Variants in YWHAQ observed in about 807,000 individuals in gnomAD.
YWHAQ encodes tyrosine 3-monooxygenase/tryptophan 5-monooxygenase activation protein theta.
YWHAQ carries 6 observed loss-of-function variants against 28.3 expected under a neutral mutation model. The ratio of observed to expected loss-of-function variants is 0.21; its 90% CI spans 0.12 to 0.42. YWHAQ has a LOEUF of 0.42. Ranked by LOEUF, YWHAQ falls within the 10% of genes least tolerant of loss-of-function variation. YWHAQ has a pLI of 1.00. For synonymous variants in YWHAQ, 143 were observed against 119.1 expected (o/e 1.20, Z -1.31); for missense variants, 201 against 305.6 (o/e 0.66, Z 2.55).
intron 2 of YWHAQ, among the ~76,000 whole-genome samples, chr2:9,613,158 T>A (rs533247876): frequency 1.2e-4 from 18 of 152,254 alleles, no homozygotes; most frequent in Admixed American, 5.2e-4. Flanking sequence ...ATATTTTTTT[T>A]AAAAAGTGTT....
Position 9,624,554 on chromosome 2 carries a change from C to T in YWHAQ, c.294+5605G>A, listed in dbSNP as rs114768110. Among the ~76,000 whole-genome samples, 551 of 152,130 alleles carry T rather than the reference C, an allele frequency of 3.6e-3. 2 individuals are homozygous for T. The highest frequency in any genetic ancestry group is 5.0e-3 in the Non-Finnish European group (341 of 67,998). ...GGCTGGGGTCTTCGTTGGGGAGTGT[C>T]CTGTGCACCGCATGATGTTTAGTAG... On this transcript the variant is annotated intron_variant, in intron 2 of 5. Coordinates refer to ENST00000238081, the MANE Select transcript of YWHAQ (RefSeq NM_006826.4).
intron 2 of YWHAQ, among the ~76,000 whole-genome samples, chr2:9,627,059 TAG>T (rs1667260635): frequency 1.3e-5 from 2 of 152,240 alleles, no homozygotes; most frequent in Admixed American, 6.5e-5. Context: ...CCCCTCATCT[TAG>T]AGAGTTTGGT....
intron 2 of YWHAQ, among the ~76,000 whole-genome samples, chr2:9,624,904 G>A (rs975706804): frequency 2.6e-5 from 4 of 151,770 alleles, no homozygotes; most frequent in African/African-American, 9.7e-5. Context: ...CACTACGCCA[G>A]GCTAATTTTT....
chr2:9,585,400 A>T (rs1666322059), intron 5 of YWHAQ, 55 bp from the exon 6 acceptor site: 1 of 1,578,726 alleles, frequency 6.3e-7, no homozygotes, highest in African/African-American at 1.3e-5. Flanking sequence ...CAATTACACT[A>T]AGTAGTATTG....
intron 2 of YWHAQ, among the ~76,000 whole-genome samples, chr2:9,629,173 C>G (rs935464277): frequency 3.9e-5 from 6 of 151,944 alleles, no homozygotes; most frequent in Admixed American, 1.3e-4. Flanking sequence ...ATGATGTGCA[C>G]AAACACATCA....
At chr2:9,626,194 AATT>A (rs1247635764) in intron 2 of YWHAQ, among the ~76,000 whole-genome samples, 3 of 152,324 alleles carry the variant, frequency 2.0e-5, no homozygotes, top group Non-Finnish European at 2.9e-5. Context: ...AATTTACTGA[AATT>A]CTACTAGAAC....
chr2:9,629,654 G>A (rs1447674986), intron 2 of YWHAQ, among the ~76,000 whole-genome samples: 1 of 152,152 alleles, frequency 6.6e-6, no homozygotes, highest in African/African-American at 2.4e-5. Flanking sequence ...GGGGGGTGGG[G>A]GGGAGCACAA....
chr2:9,597,095 GTCTGTC>G (rs1558543181), intron 2 of YWHAQ, among the ~76,000 whole-genome samples: 1 of 152,156 alleles, frequency 6.6e-6, no homozygotes, highest in Non-Finnish European at 1.5e-5. Context: ...CTTCTCAAGT[GTCTGTC>G]TCTGTAACTA....
chr2:9,587,350 A>G, intron 5 of YWHAQ, 64 bp downstream of exon 5: 1 of 1,467,928 alleles, frequency 6.8e-7, no homozygotes, highest in East Asian at 2.4e-5. Flanking sequence ...CACGAAGTCC[A>G]AAATAAAATA....
chr2:9,615,366 A>G (rs548571791), intron 2 of YWHAQ: 5 of 151,976 alleles, frequency 3.3e-5, no homozygotes, highest in Non-Finnish European at 7.4e-5. Context: ...GCACTTGACT[A>G]GTCTTAAAAA....
chr2:9,608,136 T>G (rs1054887290), intron 2 of YWHAQ, among the ~76,000 whole-genome samples: 1 of 152,180 alleles, frequency 6.6e-6, no homozygotes, highest in African/African-American at 2.4e-5. Context: ...GAAACATGAC[T>G]TTCTGGTTCC....
chr2:9,603,839 CTCTT>C (rs887800315), intron 2 of YWHAQ, among the ~76,000 whole-genome samples: 3 of 151,992 alleles, frequency 2.0e-5, no homozygotes, highest in African/African-American at 4.8e-5. Context: ...GCAAGGGAAT[CTCTT>C]TAACCCAGGA....
At chr2:9,596,309 G>A (rs1666569267) in intron 2 of YWHAQ, among the ~76,000 whole-genome samples, 2 of 149,074 alleles carry the variant, frequency 1.3e-5, no homozygotes, top group South Asian at 2.1e-4. Flanking sequence ...CAATCCTACC[G>A]TCACTTCAAC....
At chr2:9,595,931 A>T (rs1666561125) in intron 2 of YWHAQ, among the ~76,000 whole-genome samples, 2 of 152,236 alleles carry the variant, frequency 1.3e-5, no homozygotes, top group Admixed American at 1.3e-4. Context: ...CTTTTTGAGA[A>T]TTTGAAAACT....
chr2:9,626,001 T>C (rs1667241415), intron 2 of YWHAQ, among the ~76,000 whole-genome samples: 1 of 114,234 alleles, frequency 8.8e-6, no homozygotes, highest in African/African-American at 6.2e-5. Flanking sequence ...GCGTAAGACA[T>C]TTTTTATTGA....
intron 2 of YWHAQ, among the ~76,000 whole-genome samples, chr2:9,617,281 T>C (rs1446652150): frequency 1.3e-5 from 2 of 152,080 alleles, no homozygotes; most frequent in African/African-American, 4.8e-5. Context: ...AGTATTTCTA[T>C]ACAGTGTAAT....
At chr2:9,604,669 G>A (rs944241767) in intron 2 of YWHAQ, among the ~76,000 whole-genome samples, 75 of 152,254 alleles carry the variant, frequency 4.9e-4, no homozygotes, top group African/African-American at 3.9e-4. Context: ...AAGGAGGGCC[G>A]GCTTTTTGAA....
intron 2 of YWHAQ, among the ~76,000 whole-genome samples, chr2:9,619,078 G>T (rs1483031294): frequency 6.6e-6 from 1 of 152,032 alleles, no homozygotes; most frequent in African/African-American, 2.4e-5. Flanking sequence ...AACAGACGTG[G>T]GGGCTAAATA....
At chr2:9,596,867 A>G (rs1285819357) in intron 2 of YWHAQ, among the ~76,000 whole-genome samples, 1 of 152,030 alleles carries the variant, frequency 6.6e-6, no homozygotes, top group African/African-American at 2.4e-5. Flanking sequence ...CTGGTCTCGA[A>G]CTCCTGACCT....
Sources: allele counts gnomAD v4.1 joint callset (sites outside exome capture counted in the v4.1 genomes callset), GRCh38; gene constraint gnomAD v4.1.1; transcripts MANE v1.5; gene names NCBI Gene and HGNC (gene_info 2026-07-23, HGNC 2026-07-21).